Variants in KCND2 observed in about 807,000 individuals in gnomAD.
KCND2 encodes the protein A-type voltage-gated potassium channel KCND2.
Under a neutral mutation model 54.4 loss-of-function variants are expected in KCND2, and 16 were observed. The observed-to-expected ratio is 0.29, with a 90% CI of 0.20 to 0.45. The LOEUF is 0.45. Among genes scored for constraint, KCND2 ranks in the 20% least tolerant of loss-of-function variants. The pLI, the probability that KCND2 is intolerant of heterozygous loss-of-function variation, is 1.00. For missense variants in KCND2, 486 were observed against 824.2 expected (o/e 0.59, Z 5.02); for synonymous variants, 317 against 310.7 (o/e 1.02, Z -0.21).
chr7:120,569,881 G>A (rs1792341291), intron 1 of KCND2, among the ~76,000 whole-genome samples: 1 of 152,148 alleles, frequency 6.6e-6, no homozygotes, highest in Admixed American at 6.5e-5. Context: ...GTGACAGGTT[G>A]ATGGAGCTGT....
chr7:120,392,890 C>T (rs1801098997), intron 1 of KCND2, among the ~76,000 whole-genome samples: 2 of 152,068 alleles, frequency 1.3e-5, no homozygotes, highest in South Asian at 4.2e-4. Flanking sequence ...AACTATCCAC[C>T]AATCACTATG....
chr7:120,548,775 G>A (rs966556888), intron 1 of KCND2, among the ~76,000 whole-genome samples: 8 of 152,142 alleles, frequency 5.3e-5, no homozygotes, highest in Admixed American at 5.2e-4. Flanking sequence ...TAGCATTTTA[G>A]TGAGTTGCAG....
intron 1 of KCND2, among the ~76,000 whole-genome samples, chr7:120,401,133 A>G (rs73433829): frequency 0.014 from 2,089 of 152,214 alleles, 46 homozygotes; most frequent in African/African-American, 0.044. Flanking sequence ...ATTGGACTGC[A>G]TTTGGTGTCA....
intron 1 of KCND2, among the ~76,000 whole-genome samples, chr7:120,652,384 A>G (rs1367491859): frequency 6.6e-6 from 1 of 152,126 alleles, no homozygotes; most frequent in East Asian, 1.9e-4. Flanking sequence ...AGTGCAGTCT[A>G]TCTTAGGGGA....
intron 1 of KCND2, among the ~76,000 whole-genome samples, chr7:120,633,720 C>T (rs1017791220): frequency 2.0e-5 from 3 of 152,056 alleles, no homozygotes; most frequent in African/African-American, 4.8e-5. Context: ...AATTCAAATC[C>T]GTAGCCCACG....
chr7:120,280,777 T>G (rs1365648252), intron 1 of KCND2, among the ~76,000 whole-genome samples: 1 of 152,098 alleles, frequency 6.6e-6, no homozygotes, highest in South Asian at 2.1e-4. Context: ...CTCATTTTCT[T>G]CTGAAGACCC....
At chr7:120,393,227 T>A (rs1391162940) in intron 1 of KCND2, among the ~76,000 whole-genome samples, 3 of 151,980 alleles carry the variant, frequency 2.0e-5, no homozygotes, top group African/African-American at 7.2e-5. Flanking sequence ...CATGTATTTT[T>A]AAAAATAGGA....
At position 120,419,732 on chromosome 7, in the gene KCND2, A is replaced by T. The variant is rs575011871; in HGVS notation, c.1115+143985A>T. On this transcript the variant is annotated intron_variant, in intron 1 of 5. Transcript: ENST00000331113. ...ATCTGGCAGGCTAGTAACCCAGTGTATCCTCTCCTGTGAGGACACAGAAAA... is the reference window on the plus strand; with the variant it reads ...ATCTGGCAGGCTAGTAACCCAGTGTTTCCTCTCCTGTGAGGACACAGAAAA... 2.0e-5 allele frequency among the ~76,000 whole-genome samples: 3 copies of T among 152,300 alleles called. No individual in the cohort carries two copies. The East Asian group carries it at 5.8e-4, about 29-fold the overall frequency.
intron 1 of KCND2, among the ~76,000 whole-genome samples, chr7:120,665,152 C>T (rs1791909837): frequency 6.6e-6 from 1 of 151,960 alleles, no homozygotes; most frequent in African/African-American, 2.4e-5. Flanking sequence ...TGTTATAGTG[C>T]AAACAAGTAG....
intron 1 of KCND2, 113 bp downstream of exon 1, chr7:120,275,860 T>C (rs932755048): frequency 8.4e-7 from 1 of 1,196,480 alleles, no homozygotes; most frequent in Non-Finnish European, 1.2e-6. Context: ...TTCCTGAGTT[T>C]AGGAAAGCAT....
chr7:120,730,974 C>A (rs563341229), intron 1 of KCND2, among the ~76,000 whole-genome samples: 18 of 152,322 alleles, frequency 1.2e-4, no homozygotes, highest in African/African-American at 4.1e-4. Context: ...CAGGACTACA[C>A]TCTCTGAGCA....
At chr7:120,399,830 A>C (rs904849875) in intron 1 of KCND2, among the ~76,000 whole-genome samples, 4 of 151,660 alleles carry the variant, frequency 2.6e-5, no homozygotes, top group Non-Finnish European at 5.9e-5. Flanking sequence ...GGTTCAAGCA[A>C]TTCTCCTGCC....
At chr7:120,344,984 G>A (rs995204075) in intron 1 of KCND2, among the ~76,000 whole-genome samples, 2 of 152,148 alleles carry the variant, frequency 1.3e-5, no homozygotes, top group Non-Finnish European at 2.9e-5. Flanking sequence ...AGACAAAATG[G>A]TGGCCCAAAG....
chr7:120,714,143 T>A (rs1792574438), intron 1 of KCND2, among the ~76,000 whole-genome samples: 1 of 152,170 alleles, frequency 6.6e-6, no homozygotes, highest in African/African-American at 2.4e-5. Flanking sequence ...ATAATTCAGT[T>A]CTACAGTGCC....
chr7:120,376,988 G>T (rs1800842523), intron 1 of KCND2, among the ~76,000 whole-genome samples: 1 of 151,872 alleles, frequency 6.6e-6, no homozygotes, highest in African/African-American at 2.4e-5. Context: ...ACCTGAAGTT[G>T]AAGTTGGAAT....
chr7:120,292,224 G>A (rs540608336), intron 1 of KCND2, among the ~76,000 whole-genome samples: 5 of 151,878 alleles, frequency 3.3e-5, no homozygotes, highest in African/African-American at 9.6e-5. Flanking sequence ...CACTGTAAAT[G>A]TCCTATTTGT....
chr7:120,521,316 A>T (rs802366), intron 1 of KCND2, among the ~76,000 whole-genome samples: 37,217 of 150,396 alleles, frequency 0.25, 7,972 homozygotes, highest in African/African-American at 0.57. Flanking sequence ...TCCAATTTTT[A>T]AAAAAAAAAT....
chr7:120,703,203 C>T (rs1792425104), intron 1 of KCND2, among the ~76,000 whole-genome samples: 1 of 152,136 alleles, frequency 6.6e-6, no homozygotes, highest in Non-Finnish European at 1.5e-5. Context: ...TTCACTGGCA[C>T]ATCAGCTGGA....
At chr7:120,428,783 G>A (rs1474230602) in intron 1 of KCND2, among the ~76,000 whole-genome samples, 1 of 152,150 alleles carries the variant, frequency 6.6e-6, no homozygotes, top group Non-Finnish European at 1.5e-5. Flanking sequence ...AGCAGCAATG[G>A]TTATAGATTT....
Sources: allele counts gnomAD v4.1 joint callset (sites outside exome capture counted in the v4.1 genomes callset), GRCh38; gene constraint gnomAD v4.1.1; transcripts MANE v1.5; gene names NCBI Gene and HGNC (gene_info 2026-07-23, HGNC 2026-07-21).